Variants in AATF observed in about 807,000 individuals in gnomAD.
AATF encodes the protein protein AATF.
A neutral mutation model predicts 63.7 loss-of-function variants in AATF; 48 were observed. The observed-to-expected ratio is 0.75, with a 90% CI of 0.60 to 0.96. The LOEUF is 0.96. Ranked by LOEUF, AATF falls within the 40% of genes least tolerant of loss-of-function variation. The probability of loss-of-function intolerance (pLI) is 0.00; values close to 1 mark genes in which losing one functional copy is unlikely to be tolerated. For missense variants in AATF, 639 were observed against 685.7 expected (o/e 0.93, Z 0.76); for synonymous variants, 258 against 247.7 (o/e 1.04, Z -0.39).
intron 8 of AATF, among the ~76,000 whole-genome samples, chr17:36,996,253 G>A (rs926836107): frequency 6.6e-6 from 1 of 151,930 alleles, no homozygotes; most frequent in African/African-American, 2.4e-5. Flanking sequence ...GCAACATGGC[G>A]AAACTCCGTC....
At chr17:37,010,957 T>C (rs1330241723) in intron 8 of AATF, among the ~76,000 whole-genome samples, 1 of 152,216 alleles carries the variant, frequency 6.6e-6, no homozygotes, top group Non-Finnish European at 1.5e-5. Context: ...TTGAAAATAC[T>C]ACTCTTGAGT....
At chr17:36,976,391 CCTTA>C (rs1434787036) in intron 4 of AATF, among the ~76,000 whole-genome samples, 1 of 152,038 alleles carries the variant, frequency 6.6e-6, no homozygotes, top group African/African-American at 2.4e-5. Context: ...CTTAGCAGGT[CCTTA>C]CTGAGTATTA....
At chr17:36,961,419 G>A (rs1042894325) in intron 4 of AATF, among the ~76,000 whole-genome samples, 4 of 151,966 alleles carry the variant, frequency 2.6e-5, no homozygotes, top group Admixed American at 2.6e-4. Flanking sequence ...TAGACATATT[G>A]AACCCAATAT....
chr17:36,996,415 C>T (rs546197608), intron 8 of AATF, among the ~76,000 whole-genome samples: 8 of 151,922 alleles, frequency 5.3e-5, no homozygotes, highest in Non-Finnish European at 8.8e-5. Flanking sequence ...GCCTGGGCGA[C>T]AGAGAATAAA....
At chr17:37,042,866 C>T (rs919927731) in intron 11 of AATF, among the ~76,000 whole-genome samples, 3 of 151,360 alleles carry the variant, frequency 2.0e-5, no homozygotes, top group Admixed American at 6.6e-5. Context: ...CTCAGCTTCC[C>T]GAGTAGCTGG....
chr17:37,027,297 G>A (rs2071518217), intron 10 of AATF, among the ~76,000 whole-genome samples: 1 of 151,956 alleles, frequency 6.6e-6, no homozygotes, highest in Non-Finnish European at 1.5e-5. Context: ...ACGTCTTACT[G>A]TGTTGGTCTG....
chr17:37,027,741 A>G (rs1031635933), intron 10 of AATF, among the ~76,000 whole-genome samples: 2 of 152,148 alleles, frequency 1.3e-5, no homozygotes, highest in African/African-American at 4.8e-5. Flanking sequence ...TCTCGTTTGT[A>G]TATTATACTT....
intron 10 of AATF, among the ~76,000 whole-genome samples, chr17:37,029,350 TCTC>T (rs2071535002): frequency 7.0e-6 from 1 of 142,284 alleles, no homozygotes; most frequent in African/African-American, 2.6e-5. Flanking sequence ...TTCAAGCAAT[TCTC>T]CTCCCTCAGC....
intron 8 of AATF, among the ~76,000 whole-genome samples, chr17:37,006,294 A>C (rs1229028206): frequency 6.6e-6 from 1 of 152,062 alleles, no homozygotes; most frequent in Non-Finnish European, 1.5e-5. Flanking sequence ...ACATGGTGAA[A>C]CCTCATCTCT....
chr17:37,026,093 A>T (rs1051976534), intron 10 of AATF, among the ~76,000 whole-genome samples: 15 of 152,272 alleles, frequency 9.9e-5, no homozygotes, highest in African/African-American at 2.4e-4. Context: ...GCCTAACCTT[A>T]ATCTCATCAT....
chr17:36,966,498 G>A (rs2070992410), intron 4 of AATF, among the ~76,000 whole-genome samples: 1 of 151,990 alleles, frequency 6.6e-6, no homozygotes. Context: ...GAGCTCCTGG[G>A]CTCAAGTGAT....
chr17:37,045,709 G>A (rs1417816516), intron 11 of AATF: 1 of 152,386 alleles, frequency 6.6e-6, no homozygotes, highest in East Asian at 1.9e-4. Context: ...TCAGGTTCAG[G>A]GGAAGAAATG....
intron 4 of AATF, among the ~76,000 whole-genome samples, chr17:36,968,828 C>T (rs1213639866): frequency 6.6e-6 from 1 of 152,034 alleles, no homozygotes; most frequent in Non-Finnish European, 1.5e-5. Context: ...CTGTGTTGCC[C>T]AGGCTGGTCT....
At chr17:36,952,206 C>T (rs2070860800) in intron 2 of AATF, among the ~76,000 whole-genome samples, 1 of 152,164 alleles carries the variant, frequency 6.6e-6, no homozygotes, top group Non-Finnish European at 1.5e-5. Context: ...ATTATAATGT[C>T]TCCTTCTCCA....
Position 37,031,497 on chromosome 17 carries a change from C to T in AATF, c.1548-117C>T, listed in dbSNP as rs1237856732. 4 of 870,852 alleles carry T rather than the reference C, an allele frequency of 4.6e-6. No individual in the cohort carries two copies. In the African/African-American group the frequency reaches 6.6e-5, roughly 14 times the overall value. The allele number at this position is 870,852 out of a possible 1,614,324, so 53.9% of individuals were successfully genotyped here. ...TGCCTATGAATTTTTCCCTATCCCA[C>T]TTTGTACCCAGATGTTCCAGTGATC... is the stretch of plus-strand genomic sequence containing the variant. On this transcript the variant is annotated intron_variant, in intron 10 of 11. Transcript: ENST00000619387.
At chr17:37,003,513 T>C (rs2071318107) in intron 8 of AATF, among the ~76,000 whole-genome samples, 2 of 141,170 alleles carry the variant, frequency 1.4e-5, no homozygotes, top group Non-Finnish European at 3.0e-5. Flanking sequence ...GGGTCTCATG[T>C]CACCAGGGCT....
rs1211437899 is a variant in AATF, at chr17:36,950,472, C to A, written c.283+67C>A. On this transcript the variant is annotated intron_variant, in intron 2 of 11. Transcript: ENST00000619387. The stretch of plus-strand genomic sequence containing the variant: ...TTTTTCAGGGTTAAAATCCTCCGGT[C>A]ATCCCCCATGATCTTTGCAAGAGTA... 4 of 1,460,992 alleles carry A rather than the reference C, an allele frequency of 2.7e-6. No homozygotes were observed. The South Asian group carries it at 3.7e-5, about 13-fold the overall frequency. The allele number at this position is 1,460,992 out of a possible 1,614,324, so 90.5% of individuals were successfully genotyped here.
chr17:37,019,129 T>C, intron 9 of AATF, 57 bp downstream of exon 9: 1 of 1,386,410 alleles, frequency 7.2e-7, no homozygotes, highest in Non-Finnish European at 1.0e-6. Context: ...GTTTCTCCCC[T>C]TGAGTCCCTT....
At chr17:37,017,682 A>T (rs770031805) in intron 8 of AATF, among the ~76,000 whole-genome samples, 94 of 152,302 alleles carry the variant, frequency 6.2e-4, no homozygotes, top group Middle Eastern at 6.8e-3. Context: ...TGCTGTAGTA[A>T]TAATGTCCAA....
Sources: allele counts gnomAD v4.1 joint callset (sites outside exome capture counted in the v4.1 genomes callset), GRCh38; gene constraint gnomAD v4.1.1; transcripts MANE v1.5; gene names NCBI Gene and HGNC (gene_info 2026-07-23, HGNC 2026-07-21).